Variants in DPP10 observed in about 807,000 individuals in gnomAD.
The protein encoded by DPP10 is inactive dipeptidyl peptidase 10.
A neutral mutation model predicts 120.9 loss-of-function variants in DPP10; 33 were observed. The observed-to-expected ratio is 0.27, with a 90% confidence interval of 0.21 to 0.37. The LOEUF (loss-of-function observed/expected upper bound fraction) is 0.37, where lower values mean the gene tolerates loss of function less well. Among genes scored for constraint, DPP10 ranks in the 10% least tolerant of loss-of-function variants. The pLI is 1.00. For missense variants in DPP10, 816 were observed against 942.8 expected (o/e 0.87, Z 1.76); for synonymous variants, 337 against 326.1 (o/e 1.03, Z -0.36).
chr2:115,397,059 G>C (rs1313179900), intron 3 of DPP10, among the ~76,000 whole-genome samples: 1 of 152,150 alleles, frequency 6.6e-6, no homozygotes, highest in East Asian at 1.9e-4. Flanking sequence ...TGTGAACATT[G>C]ACAGAAATCC....
chr2:114,906,762 T>A (rs976923120), intron 1 of DPP10, among the ~76,000 whole-genome samples: 2 of 152,136 alleles, frequency 1.3e-5, no homozygotes, highest in African/African-American at 4.8e-5. Flanking sequence ...GTTGTCCTAG[T>A]ATTTTGTTAG....
intron 5 of DPP10, among the ~76,000 whole-genome samples, chr2:115,687,496 T>C (rs944096336): frequency 6.6e-6 from 1 of 151,278 alleles, no homozygotes; most frequent in Non-Finnish European, 1.5e-5. Flanking sequence ...GATAGATAGA[T>C]AGATAGATAG....
rs552102265 is a variant in DPP10, at chr2:115,689,243, T to C, written c.442-444T>C. Among the ~76,000 whole-genome samples the C allele has an allele frequency of 2.0e-5, 3 of 152,238 alleles. No individual in the cohort carries two copies. The East Asian group carries it at 5.8e-4, about 29-fold the overall frequency. ...TCACCTCAGTTAAGGTAGAATGTCC[T>C]TGGGGGAAAAGCAAAAAAAGTTCAG... On this transcript the variant is annotated intron_variant, in intron 5 of 25. Coordinates refer to ENST00000410059, the MANE Select transcript of DPP10 (RefSeq NM_020868.6).
intron 1 of DPP10, among the ~76,000 whole-genome samples, chr2:115,114,552 A>C (rs1157430649): frequency 6.6e-6 from 1 of 152,138 alleles, no homozygotes; most frequent in African/African-American, 2.4e-5. Context: ...GATTCTCTAC[A>C]TGTGCCACCA....
At chr2:115,012,844 GAATTCAGGTCAATTATTAAGGTAATCA>G (rs1470445103) in intron 1 of DPP10, among the ~76,000 whole-genome samples, 1 of 152,122 alleles carries the variant, frequency 6.6e-6, no homozygotes, top group African/African-American at 2.4e-5. Context: ...GCCAGAAAAA[GAATTCAGGTCAATTATTAAGGTAATCA>G]AAGAGGCACC....
At chr2:115,224,118 A>C (rs1419519322) in intron 1 of DPP10, among the ~76,000 whole-genome samples, 2 of 152,108 alleles carry the variant, frequency 1.3e-5, no homozygotes, top group African/African-American at 4.8e-5. Context: ...CATCAGGTAC[A>C]TATGCAGATT....
intron 5 of DPP10, among the ~76,000 whole-genome samples, chr2:115,541,129 T>C (rs2079145945): frequency 6.6e-6 from 1 of 151,952 alleles, no homozygotes; most frequent in South Asian, 2.1e-4. Flanking sequence ...TTAAAACCTA[T>C]AATTAGGTTA....
intron 1 of DPP10, among the ~76,000 whole-genome samples, chr2:115,253,263 A>G (rs1214852201): frequency 2.6e-5 from 4 of 152,200 alleles, no homozygotes; most frequent in African/African-American, 7.2e-5. Flanking sequence ...CCCAGATTCC[A>G]CTAGTCTCTG....
At chr2:114,570,611 G>A (rs1217441458) in intron 1 of DPP10, among the ~76,000 whole-genome samples, 3 of 151,692 alleles carry the variant, frequency 2.0e-5, no homozygotes, top group Non-Finnish European at 4.4e-5. Flanking sequence ...GGATCACGAG[G>A]TCAGGAGATC....
At chr2:114,991,281 G>A (rs1031115869) in intron 1 of DPP10, among the ~76,000 whole-genome samples, 3 of 152,138 alleles carry the variant, frequency 2.0e-5, no homozygotes, top group Non-Finnish European at 4.4e-5. Flanking sequence ...TTCAGACTCC[G>A]TGATCATCAA....
At chr2:115,313,584 C>T (rs1324350310) in intron 2 of DPP10, among the ~76,000 whole-genome samples, 1 of 152,260 alleles carries the variant, frequency 6.6e-6, no homozygotes, top group East Asian at 1.9e-4. Context: ...AACTGTTTTA[C>T]TCAAAATAGC....
intron 1 of DPP10, among the ~76,000 whole-genome samples, chr2:115,107,233 G>A (rs906991274): frequency 6.6e-6 from 1 of 151,660 alleles, no homozygotes; most frequent in African/African-American, 2.4e-5. Context: ...TAACATGAAG[G>A]GAATAGGGAT....
intron 1 of DPP10, among the ~76,000 whole-genome samples, chr2:114,821,130 AGGT>A (rs1686049545): frequency 1.3e-5 from 2 of 152,162 alleles, no homozygotes; most frequent in Non-Finnish European, 2.9e-5. Flanking sequence ...AGGCTGGAGG[AGGT>A]GGTGTCTGAT....
intron 3 of DPP10, among the ~76,000 whole-genome samples, chr2:115,371,233 A>T (rs1386396627): frequency 6.6e-6 from 1 of 151,998 alleles, no homozygotes; most frequent in Non-Finnish European, 1.5e-5. Flanking sequence ...TTACATTTTG[A>T]TTTTCAAGTT....
chr2:114,948,605 T>G (rs1355854528), intron 1 of DPP10, among the ~76,000 whole-genome samples: 1 of 152,218 alleles, frequency 6.6e-6, no homozygotes, highest in African/African-American at 2.4e-5. Context: ...AAATGTAGAC[T>G]GAACCACTTC....
chr2:114,989,300 C>G (rs551582739), intron 1 of DPP10, among the ~76,000 whole-genome samples: 1 of 152,056 alleles, frequency 6.6e-6, no homozygotes, highest in Non-Finnish European at 1.5e-5. Flanking sequence ...ATTTACTTCC[C>G]GTAACTTCAT....
At chr2:114,784,914 A>G (rs1682638022) in intron 1 of DPP10, among the ~76,000 whole-genome samples, 1 of 152,254 alleles carries the variant, frequency 6.6e-6, no homozygotes, top group South Asian at 2.1e-4. Flanking sequence ...CCCTCACAGT[A>G]TGCATAAGAC....
intron 1 of DPP10, among the ~76,000 whole-genome samples, chr2:114,605,974 C>A (rs749595965): frequency 6.6e-6 from 1 of 152,102 alleles, no homozygotes; most frequent in Non-Finnish European, 1.5e-5. Context: ...TTGGAAGCCA[C>A]TACCTGTTAT....
chr2:115,067,896 T>G (rs1443341419), intron 1 of DPP10, among the ~76,000 whole-genome samples: 3 of 139,718 alleles, frequency 2.1e-5, no homozygotes, highest in African/African-American at 5.3e-5. Flanking sequence ...AAAAGAAAAA[T>G]ATTCCTGTGT....
Sources: gnomAD v4.1 joint callset for allele counts (sites outside exome capture counted in the v4.1 genomes callset) on GRCh38, gnomAD v4.1.1 for gene constraint, MANE v1.5 for transcripts, NCBI Gene and HGNC (gene_info 2026-07-23, HGNC 2026-07-21) for gene names.